Variants in GLG1 observed in about 807,000 individuals in gnomAD.
The protein encoded by GLG1 is golgi glycoprotein 1.
Under a neutral mutation model 160.5 loss-of-function variants are expected in GLG1, and 38 were observed. The ratio of observed to expected loss-of-function variants is 0.24; its 90% confidence interval spans 0.18 to 0.31. The LOEUF is 0.31. Ranked by LOEUF, GLG1 falls within the 10% of genes least tolerant of loss-of-function variation. The probability of loss-of-function intolerance (pLI) is 1.00; values close to 1 mark genes in which losing one functional copy is unlikely to be tolerated. For missense variants in GLG1, 1,373 were observed against 1,505.2 expected (o/e 0.91, Z 1.45); for synonymous variants, 644 against 543.4 (o/e 1.19, Z -2.57).
Position 74,492,954 on chromosome 16 carries a change from T to A in GLG1, c.1234+3A>T. On this transcript the variant is annotated splice_donor_region_variant and intron_variant, in intron 7 of 25. Coordinates refer to ENST00000422840, the MANE Select transcript of GLG1 (RefSeq NM_001145667.2). ...ATAATTAAAAAAAAAATATGAATGC[T>A]ACCTCTGTGTACAGCTGACTCCAGG... The A allele has an allele frequency of 6.4e-7, 1 of 1,562,932 alleles. No individual in the cohort carries two copies. The highest frequency in any genetic ancestry group is 8.7e-7 in the Non-Finnish European group (1 of 1,154,716).
chr16:74,514,341 G>C (rs140471070), intron 2 of GLG1, among the ~76,000 whole-genome samples: 2 of 152,326 alleles, frequency 1.3e-5, no homozygotes, highest in African/African-American at 4.8e-5. Context: ...ATAATTGTCA[G>C]ATTCACCAAG....
At chr16:74,528,736 C>G (rs1485272062) in intron 2 of GLG1, among the ~76,000 whole-genome samples, 1 of 139,770 alleles carries the variant, frequency 7.2e-6, no homozygotes, top group Non-Finnish European at 1.5e-5. Context: ...CACTTCAACC[C>G]CAGAGGCGGA....
At chr16:74,494,354 G>A (rs763390809) in intron 6 of GLG1, among the ~76,000 whole-genome samples, 3 of 148,934 alleles carry the variant, frequency 2.0e-5, no homozygotes, top group Non-Finnish European at 4.4e-5. Context: ...AGTCATTTAC[G>A]TTTCGGTATA....
intron 1 of GLG1, among the ~76,000 whole-genome samples, chr16:74,587,548 T>C (rs930737244): frequency 6.6e-6 from 1 of 152,094 alleles, no homozygotes; most frequent in East Asian, 1.9e-4. Context: ...ATGACAGACA[T>C]GATGGAATTA....
chr16:74,516,462 A>G (rs2016981215), intron 2 of GLG1, among the ~76,000 whole-genome samples: 1 of 152,190 alleles, frequency 6.6e-6, no homozygotes, highest in African/African-American at 2.4e-5. Flanking sequence ...ACTACTGGGT[A>G]CATAACGAAA....
intron 1 of GLG1, among the ~76,000 whole-genome samples, chr16:74,532,482 C>CT (rs1263617770): frequency 5.9e-5 from 9 of 152,180 alleles, no homozygotes; most frequent in Non-Finnish European, 1.3e-4. Flanking sequence ...TTATAATTCA[C>CT]TTATTATAGA....
At chr16:74,582,680 G>A (rs972225328) in intron 1 of GLG1, among the ~76,000 whole-genome samples, 3 of 151,870 alleles carry the variant, frequency 2.0e-5, no homozygotes, top group Non-Finnish European at 2.9e-5. Flanking sequence ...TTAGCCGGGC[G>A]TGGTGGCGGG....
chr16:74,539,020 G>A (rs1421852593), intron 1 of GLG1, among the ~76,000 whole-genome samples: 1 of 151,890 alleles, frequency 6.6e-6, no homozygotes, highest in Admixed American at 6.6e-5. Flanking sequence ...GTGAAAGGTG[G>A]AGCACTAGGC....
chr16:74,556,746 A>G (rs1000864642), intron 1 of GLG1, among the ~76,000 whole-genome samples: 3 of 148,700 alleles, frequency 2.0e-5, no homozygotes, highest in African/African-American at 7.3e-5. Flanking sequence ...TCTCAAATAT[A>G]TATATTATAA....
chr16:74,467,112 G>A (rs1410200357), intron 18 of GLG1, among the ~76,000 whole-genome samples: 1 of 152,114 alleles, frequency 6.6e-6, no homozygotes, highest in Non-Finnish European at 1.5e-5. Flanking sequence ...AAACCTATCA[G>A]AAACAGATTA....
At chr16:74,559,980 T>C (rs143936322) in intron 1 of GLG1, among the ~76,000 whole-genome samples, 7 of 152,248 alleles carry the variant, frequency 4.6e-5, no homozygotes, top group Non-Finnish European at 8.8e-5. Context: ...TTACTTTATA[T>C]AGTGCAATCT....
chr16:74,473,228 T>C (rs1033340982), intron 13 of GLG1, among the ~76,000 whole-genome samples: 2 of 152,058 alleles, frequency 1.3e-5, no homozygotes, highest in African/African-American at 4.8e-5. Flanking sequence ...TTTTTCTTTT[T>C]ATTGAGACGG....
chr16:74,466,632 A>G (rs1261459407), intron 18 of GLG1, among the ~76,000 whole-genome samples: 1 of 152,238 alleles, frequency 6.6e-6, no homozygotes, highest in Non-Finnish European at 1.5e-5. Flanking sequence ...TCAAAACAGA[A>G]TTTTAAAATA....
At chr16:74,601,704 G>GT (rs1374969276) in intron 1 of GLG1, among the ~76,000 whole-genome samples, 1 of 152,156 alleles carries the variant, frequency 6.6e-6, no homozygotes, top group Non-Finnish European at 1.5e-5. Flanking sequence ...TTAGCGTTGG[G>GT]TGATAACGCA....
intron 13 of GLG1, 86 bp from the exon 14 acceptor site, chr16:74,472,497 A>G (rs2015242145): frequency 1.5e-6 from 2 of 1,334,892 alleles, no homozygotes; most frequent in Non-Finnish European, 2.1e-6. Context: ...AATCAGTAAT[A>G]TCTGATGGGC....
At chr16:74,590,795 CAAA>C (rs71158529) in intron 1 of GLG1, among the ~76,000 whole-genome samples, 1 of 68,972 alleles carries the variant, frequency 1.4e-5, no homozygotes, top group Non-Finnish European at 2.6e-5. Flanking sequence ...GAAACTGTCT[CAAA>C]AAAAAAAAAA....
At chr16:74,540,600 A>G (rs1464239415) in intron 1 of GLG1, among the ~76,000 whole-genome samples, 1 of 151,640 alleles carries the variant, frequency 6.6e-6, no homozygotes, top group Admixed American at 6.6e-5. Context: ...GGGACTAAAA[A>G]TCATCCCCAT....
intron 2 of GLG1, among the ~76,000 whole-genome samples, chr16:74,529,460 AT>A (rs2017456124): frequency 1.3e-5 from 2 of 151,862 alleles, no homozygotes; most frequent in African/African-American, 4.8e-5. Flanking sequence ...ATTTTCCTCT[AT>A]TTTATTTATA....
chr16:74,545,890 G>C (rs1597332809), intron 1 of GLG1, among the ~76,000 whole-genome samples: 1 of 152,256 alleles, frequency 6.6e-6, no homozygotes, highest in South Asian at 2.1e-4. Flanking sequence ...AAAAGTAAAT[G>C]TTTGTTACCA....
Sources: gnomAD v4.1 joint callset for allele counts (sites outside exome capture counted in the v4.1 genomes callset) on GRCh38, gnomAD v4.1.1 for gene constraint, MANE v1.5 for transcripts, NCBI Gene and HGNC (gene_info 2026-07-23, HGNC 2026-07-21) for gene names.